FUT8: variants seen among roughly 807,000 people sequenced by gnomAD.
FUT8 encodes alpha-(1,6)-fucosyltransferase.
Under a neutral mutation model 71.3 loss-of-function variants are expected in FUT8, and 29 were observed. The observed-to-expected ratio is 0.41, with a 90% confidence interval of 0.30 to 0.55. The LOEUF (loss-of-function observed/expected upper bound fraction) is 0.55. Among genes scored for constraint, FUT8 ranks in the 20% least tolerant of loss-of-function variants. The pLI, the probability that FUT8 is intolerant of heterozygous loss-of-function variation, is 0.34. For synonymous variants in FUT8, 254 were observed against 239.3 expected, an observed-to-expected ratio of 1.06 and a Z score of -0.57; for missense variants, 544 against 702.1, an observed-to-expected ratio of 0.77 and a Z score of 2.55.
intron 10 of FUT8, 90 bp downstream of exon 10, chr14:65,733,471 T>C: frequency 2.2e-6 from 2 of 922,060 alleles, no homozygotes; most frequent in South Asian, 5.0e-5. Context: ...GTGTTGTTAA[T>C]GTTCATTATT....
Position 65,483,865 on chromosome 14 carries a change from TG to T in FUT8, c.-228+28148del, listed in dbSNP as rs1040502505. ...CTTCTGACTCAGCCTCCTGAGTAGC[TG>T]AGATTGCTCAGCTACCACACCCAGC... On this transcript the variant is annotated intron_variant, in intron 2 of 10. Transcript: ENST00000673929. The surrounding 1 kb of genome is among the most constrained non-coding windows in gnomAD (Gnocchi z 4.4). Among the ~76,000 whole-genome samples, 92 of 152,188 alleles carry T rather than the reference TG, an allele frequency of 6.0e-4. No individual in the cohort carries two copies. The highest frequency in any genetic ancestry group is 2.1e-3 in the African/African-American group (86 of 41,516).
chr14:65,640,001 A>C (rs1160229355), intron 6 of FUT8, among the ~76,000 whole-genome samples: 2 of 152,144 alleles, frequency 1.3e-5, no homozygotes, highest in Non-Finnish European at 2.9e-5. Context: ...TGCCATTTAA[A>C]AAATGATTAT....
rs1047395765 is a variant in FUT8 at position 65,643,633 on chromosome 14, G to A, written c.597+14027G>A. Among the ~76,000 whole-genome samples the A allele has an allele frequency of 2.0e-5, 3 of 147,664 alleles. No homozygotes were observed. Among genetic ancestry groups the A allele is most frequent in the East Asian group, 2.0e-4 (1 of 5,004 alleles). On this transcript the variant is annotated intron_variant, in intron 6 of 10. Transcript: ENST00000673929. This position sits in a 1 kb window ranked among gnomAD's most constrained non-coding sequence, Gnocchi z 4.5. ...CATGCCACTGCACTGCAGCCTGGGCGACAGAGCGAGACTCCGTCTTTAAAA... is the reference window on the plus strand; with the variant it reads ...CATGCCACTGCACTGCAGCCTGGGCAACAGAGCGAGACTCCGTCTTTAAAA...
intron 3 of FUT8, among the ~76,000 whole-genome samples, chr14:65,570,130 C>T (rs1328219656): frequency 6.6e-6 from 1 of 152,042 alleles, no homozygotes; most frequent in Non-Finnish European, 1.5e-5. Flanking sequence ...CTGTAAATTT[C>T]GTAAGACTAT....
intron 3 of FUT8, among the ~76,000 whole-genome samples, chr14:65,599,184 C>G (rs1312034861): frequency 6.6e-6 from 1 of 152,088 alleles, no homozygotes. Context: ...AACACAGACT[C>G]AGTCATCAGC....
rs75879303 is a variant in FUT8 at position 65,443,826 on chromosome 14, G to A, written c.-325-11795G>A. The stretch of plus-strand genomic sequence containing the variant: ...TTGACTTAATATTGGTATGCTTAGG[G>A]TTTAGCAGAGTTAATACAAAATAAG... On this transcript the variant is annotated intron_variant, in intron 1 of 10. Transcript: ENST00000673929. Among the ~76,000 whole-genome samples, 209 of 152,170 alleles carry A rather than the reference G, an allele frequency of 1.4e-3. 4 individuals are homozygous for A. The East Asian group carries it at 0.034, about 25-fold the overall frequency.
chr14:65,528,809 A>G (rs565378587), intron 2 of FUT8: 7 of 152,302 alleles, frequency 4.6e-5, no homozygotes, highest in African/African-American at 1.4e-4. Context: ...GGAAACTTGG[A>G]TGTAAATCTT....
rs1159635457 is a variant in FUT8 at position 65,678,205 on chromosome 14, G to A, written c.835+8725G>A. Among the ~76,000 whole-genome samples, 5 of 152,116 alleles carry A rather than the reference G, an allele frequency of 3.3e-5. No individual in the cohort carries two copies. In the East Asian group the frequency reaches 9.6e-4, roughly 29 times the overall value. ...TGATTGGGTTATAGAGTTTCAGCAG[G>A]GCTTCTTTTAACTTTAACAGCCAAC... On this transcript the variant is annotated intron_variant, in intron 7 of 10. Coordinates refer to ENST00000673929, the MANE Select transcript of FUT8 (RefSeq NM_001371533.1).
At chr14:65,684,985 C>G (rs1159487917) in intron 7 of FUT8, among the ~76,000 whole-genome samples, 1 of 152,110 alleles carries the variant, frequency 6.6e-6, no homozygotes, top group African/African-American at 2.4e-5. Flanking sequence ...TTAAATTAAT[C>G]AAATGCCATT....
At chr14:65,425,770 G>A (rs1182773148) in intron 1 of FUT8, among the ~76,000 whole-genome samples, 1 of 152,026 alleles carries the variant, frequency 6.6e-6, no homozygotes, top group Non-Finnish European at 1.5e-5. Flanking sequence ...GAGGTCAGGA[G>A]TTTGAGACCA....
At chr14:65,680,064 A>G (rs1164536111) in intron 7 of FUT8, among the ~76,000 whole-genome samples, 1 of 152,206 alleles carries the variant, frequency 6.6e-6, no homozygotes, top group East Asian at 1.9e-4. Flanking sequence ...ATAGAGCCTG[A>G]AAGATGTATT....
At chr14:65,544,519 A>G (rs1480802018) in intron 2 of FUT8, among the ~76,000 whole-genome samples, 1 of 152,106 alleles carries the variant, frequency 6.6e-6, no homozygotes, top group Non-Finnish European at 1.5e-5. Context: ...TAGTATTACC[A>G]TTTTTCAGCA....
chr14:65,617,217 TCAG>T, intron 5 of FUT8: 1 of 1,504,462 alleles, frequency 6.6e-7, no homozygotes, highest in African/African-American at 1.4e-5. Context: ...TTTATTAACA[TCAG>T]CAGCAATATT....
chr14:65,487,605 A>C (rs1043845691), intron 2 of FUT8, among the ~76,000 whole-genome samples: 26 of 148,238 alleles, frequency 1.8e-4, no homozygotes, highest in Admixed American at 8.7e-4. Context: ...TAGTGTCTTC[A>C]CAGTAGATTT....
At chr14:65,585,960 G>C (rs1235931798) in intron 3 of FUT8, among the ~76,000 whole-genome samples, 1 of 152,110 alleles carries the variant, frequency 6.6e-6, no homozygotes, top group Non-Finnish European at 1.5e-5. Context: ...TAATCAGAGA[G>C]AATATGGACA....
At chr14:65,558,978 CTT>C (rs1380698850) in intron 2 of FUT8, among the ~76,000 whole-genome samples, 5 of 151,976 alleles carry the variant, frequency 3.3e-5, no homozygotes, top group Non-Finnish European at 4.4e-5. Flanking sequence ...AATTTAATCT[CTT>C]AGATATTTTT....
chr14:65,623,848 G>C (rs1354161299), intron 5 of FUT8, among the ~76,000 whole-genome samples: 3 of 152,038 alleles, frequency 2.0e-5, no homozygotes, highest in Non-Finnish European at 4.4e-5. Flanking sequence ...ACCTTGACCT[G>C]GTCTCATACT....
intron 3 of FUT8, among the ~76,000 whole-genome samples, chr14:65,573,928 C>T (rs1389891344): frequency 6.6e-6 from 1 of 152,150 alleles, no homozygotes; most frequent in Non-Finnish European, 1.5e-5. Context: ...ACAACACAAA[C>T]TTACTATCAC....
Position 65,742,378 on chromosome 14 carries a change from A to C in FUT8, c.1696A>C (p.Lys566Gln). The C allele has an allele frequency of 1.9e-6, 3 of 1,612,608 alleles. No homozygotes were observed. Among genetic ancestry groups the C allele is most frequent in the Non-Finnish European group, 2.5e-6 (3 of 1,179,096 alleles). ...AGTTCGAGAGAAGATAGAAACGGTCAAGTACCCCACATATCCTGAGGCTGA... is the reference window on the plus strand; with the variant it reads ...AGTTCGAGAGAAGATAGAAACGGTCCAGTACCCCACATATCCTGAGGCTGA... ...YKVREKIETV[K>Q]YPTYPEAEK The change falls in exon 11 of 11, where the codon AAG becomes CAG. Residue 566 changes from lysine (K) to glutamine (Q), a missense_variant. Lys to Gln is a moderately conservative substitution (Grantham distance 53). Transcript: ENST00000673929.
Sources: allele counts gnomAD v4.1 joint callset (sites outside exome capture counted in the v4.1 genomes callset), GRCh38; gene constraint gnomAD v4.1.1; non-coding constraint Gnocchi (gnomAD v3.1); transcripts MANE v1.5; gene names NCBI Gene and HGNC (gene_info 2026-07-23, HGNC 2026-07-21).